XKR4: variants seen among roughly 807,000 people sequenced by gnomAD.
The protein encoded by XKR4 is XK-related protein 4.
XKR4 carries 12 observed loss-of-function variants against 53.9 expected under a neutral mutation model. The ratio of observed to expected loss-of-function variants is 0.22; its 90% CI spans 0.14 to 0.36. The LOEUF (loss-of-function observed/expected upper bound fraction) is 0.36. XKR4 is among the 10% of genes least tolerant of loss of function. XKR4 has a pLI of 1.00. For missense variants in XKR4, 799 were observed against 859.5 expected, an observed-to-expected ratio of 0.93 and a Z score of 0.88; for synonymous variants, 354 against 362.4, an observed-to-expected ratio of 0.98 and a Z score of 0.26.
chr8:55,228,552 A>C (rs1817989094), intron 1 of XKR4, among the ~76,000 whole-genome samples: 1 of 152,210 alleles, frequency 6.6e-6, no homozygotes, highest in Admixed American at 6.5e-5. Context: ...TGGAATAATT[A>C]AATCCAATAG....
In XKR4 at chr8:55,476,685, T is replaced by A. The variant is rs188454431; in HGVS notation, c.1007-46596T>A. On this transcript the variant is annotated intron_variant, in intron 2 of 2. Transcript: ENST00000327381. ...GACGGCACCTGGAAAATCAGGTCAC[T>A]CCCACCCTAATACTGCGCTTTTCCA... Among the ~76,000 whole-genome samples, 1,139 of 152,126 alleles carry A rather than the reference T, an allele frequency of 7.5e-3. 18 individuals are homozygous for A. Among genetic ancestry groups the A allele is most frequent in the African/African-American group, 0.026 (1,088 of 41,436 alleles).
intron 1 of XKR4, among the ~76,000 whole-genome samples, chr8:55,299,585 G>A (rs1422824191): frequency 3.9e-5 from 6 of 152,010 alleles, no homozygotes; most frequent in Non-Finnish European, 7.4e-5. Context: ...TAAGAATTCT[G>A]TTAAAATTAT....
At chr8:55,351,654 A>G (rs1585534026) in intron 1 of XKR4, among the ~76,000 whole-genome samples, 2 of 152,216 alleles carry the variant, frequency 1.3e-5, no homozygotes, top group Admixed American at 1.3e-4. Flanking sequence ...CCCTGCAAAC[A>G]CTGTCTGTGC....
chr8:55,330,326 T>G (rs1394007160), intron 1 of XKR4, among the ~76,000 whole-genome samples: 1 of 152,110 alleles, frequency 6.6e-6, no homozygotes, highest in African/African-American at 2.4e-5. Flanking sequence ...AAGACTCAGT[T>G]TCCTCACCTG....
At chr8:55,259,894 C>T (rs1273855250) in intron 1 of XKR4, among the ~76,000 whole-genome samples, 2 of 152,084 alleles carry the variant, frequency 1.3e-5, no homozygotes, top group Non-Finnish European at 2.9e-5. Context: ...TCTAAAATTT[C>T]CACACCACAC....
intron 1 of XKR4, among the ~76,000 whole-genome samples, chr8:55,137,904 A>G (rs1816653264): frequency 1.3e-5 from 2 of 152,016 alleles, no homozygotes; most frequent in African/African-American, 4.8e-5. Flanking sequence ...GGAATGAAAG[A>G]AAAATTTGGA....
intron 1 of XKR4, among the ~76,000 whole-genome samples, chr8:55,276,768 A>G (rs1380530715): frequency 6.6e-6 from 1 of 152,246 alleles, no homozygotes; most frequent in Non-Finnish European, 1.5e-5. Context: ...ACAGAAAGAA[A>G]TCATCGACTA....
chr8:55,455,197 G>A (rs2129397049), intron 2 of XKR4: 3 of 460,830 alleles, frequency 6.5e-6, no homozygotes, highest in East Asian at 5.0e-5. Context: ...CGCGCTCATG[G>A]CCCGGGCCTG....
At chr8:55,264,989 G>A (rs950911257) in intron 1 of XKR4, among the ~76,000 whole-genome samples, 1 of 152,188 alleles carries the variant, frequency 6.6e-6, no homozygotes, top group African/African-American at 2.4e-5. Context: ...CTACAGCCAG[G>A]TTTCCACAGG....
intron 2 of XKR4, among the ~76,000 whole-genome samples, chr8:55,461,986 A>C (rs1383571275): frequency 6.6e-6 from 1 of 152,046 alleles, no homozygotes; most frequent in African/African-American, 2.4e-5. Context: ...AAAAGACCTA[A>C]TCTACATCTA....
chr8:55,141,992 A>G (rs551287627), intron 1 of XKR4: 2 of 437,238 alleles, frequency 4.6e-6, no homozygotes, highest in African/African-American at 4.0e-5. Flanking sequence ...TCCAGGGGTG[A>G]TAAAGCCATC....
chr8:55,446,750 A>G (rs954226975), intron 2 of XKR4, among the ~76,000 whole-genome samples: 2 of 152,194 alleles, frequency 1.3e-5, no homozygotes, highest in African/African-American at 4.8e-5. Context: ...CATCAGACAA[A>G]TACCTACACA....
intron 2 of XKR4, among the ~76,000 whole-genome samples, chr8:55,379,670 T>C (rs1804203573): frequency 1.3e-5 from 2 of 152,244 alleles, no homozygotes; most frequent in Admixed American, 1.3e-4. Context: ...ACCAGGCTGC[T>C]GTCACCCTGC....
chr8:55,475,889 C>T (rs899063799), intron 2 of XKR4, among the ~76,000 whole-genome samples: 3 of 152,004 alleles, frequency 2.0e-5, no homozygotes, highest in African/African-American at 7.3e-5. Flanking sequence ...GCATGAGCCA[C>T]CACACCCAGC....
intron 1 of XKR4, among the ~76,000 whole-genome samples, chr8:55,205,827 G>T (rs1817640075): frequency 1.3e-5 from 2 of 152,158 alleles, no homozygotes; most frequent in Admixed American, 6.5e-5. Context: ...TGGTCTCACT[G>T]ACTTCAAGAA....
rs80234720 is a variant in XKR4 at position 55,469,265 on chromosome 8, C to T, written c.1007-54016C>T. 3.3e-5 allele frequency among the ~76,000 whole-genome samples: 5 copies of T among 152,230 alleles called. No homozygotes were observed. The East Asian group carries it at 5.8e-4, about 18-fold the overall frequency. ...CAACACTGTAGCCAGGTTGACATTC[C>T]TATGGTTCCCTATTTTTTGTTAGAT... On this transcript the variant is annotated intron_variant, in intron 2 of 2. Coordinates refer to ENST00000327381, the MANE Select transcript of XKR4 (RefSeq NM_052898.2).
chr8:55,452,070 C>T (rs915952881), intron 2 of XKR4: 13 of 704,600 alleles, frequency 1.8e-5, no homozygotes, highest in Non-Finnish European at 2.9e-5. Context: ...CTTGGTGACT[C>T]GGGGTGGCTG....
chr8:55,391,224 A>T lies in XKR4; in HGVS notation c.1006+33347A>T, dbSNP rs141217277. Among the ~76,000 whole-genome samples, 63 of 152,322 alleles carry T rather than the reference A, an allele frequency of 4.1e-4. 1 individual carries two copies. Among genetic ancestry groups the T allele is most frequent in the African/African-American group, 1.4e-3 (60 of 41,572 alleles). On this transcript the variant is annotated intron_variant, in intron 2 of 2. Coordinates refer to ENST00000327381, the MANE Select transcript of XKR4 (RefSeq NM_052898.2). ...ATGGAGTCATACCTCAGAAAGTTAC[A>T]GGTGCATTCTTCCCTGGCCCGGAAA...
chr8:55,272,115 T>A (rs1332132135), intron 1 of XKR4, among the ~76,000 whole-genome samples: 1 of 152,118 alleles, frequency 6.6e-6, no homozygotes, highest in Non-Finnish European at 1.5e-5. Flanking sequence ...GAGAGTTTGA[T>A]CCTAACAGGT....
Sources: allele counts gnomAD v4.1 joint callset (sites outside exome capture counted in the v4.1 genomes callset), GRCh38; gene constraint gnomAD v4.1.1; transcripts MANE v1.5; gene names NCBI Gene and HGNC (gene_info 2026-07-23, HGNC 2026-07-21).